The following SYT1 variants were observed in gnomAD, a reference collection of about 807,000 sequenced individuals.
SYT1 encodes synaptotagmin 1.
SYT1 carries 8 observed loss-of-function variants against 44.8 expected under a neutral mutation model. The ratio of observed to expected loss-of-function variants is 0.18; its 90% CI spans 0.10 to 0.32. The LOEUF is 0.32. Among genes scored for constraint, SYT1 ranks in the 10% least tolerant of loss-of-function variants. The pLI, the probability that SYT1 is intolerant of heterozygous loss-of-function variation, is 1.00. For missense variants in SYT1, 286 were observed against 509.3 expected, an observed-to-expected ratio of 0.56 and a Z score of 4.22; for synonymous variants, 154 against 188.8, an observed-to-expected ratio of 0.82 and a Z score of 1.51.
chr12:79,344,432 A>G (rs1244979731), intron 8 of SYT1, among the ~76,000 whole-genome samples: 1 of 151,958 alleles, frequency 6.6e-6, no homozygotes, highest in Non-Finnish European at 1.5e-5. Context: ...ACCACTCTAT[A>G]CTGTACTTTA....
At chr12:78,884,707 G>T (rs1874638921) in intron 1 of SYT1, among the ~76,000 whole-genome samples, 2 of 151,258 alleles carry the variant, frequency 1.3e-5, no homozygotes, top group African/African-American at 4.8e-5. Flanking sequence ...GTTTGGGGCT[G>T]CAATTGTTGA....
chr12:79,037,034 A>G (rs1318309617), intron 2 of SYT1, among the ~76,000 whole-genome samples: 1 of 151,782 alleles, frequency 6.6e-6, no homozygotes, highest in Non-Finnish European at 1.5e-5. Flanking sequence ...TCATTATGTA[A>G]CCTTATTAAT....
chr12:78,972,481 G>A (rs1377527466), intron 1 of SYT1, among the ~76,000 whole-genome samples: 1 of 151,146 alleles, frequency 6.6e-6, no homozygotes, highest in East Asian at 1.9e-4. Flanking sequence ...ACACACAGAA[G>A]TTAAAATTAA....
At chr12:78,991,423 G>T (rs1870001650) in intron 2 of SYT1, among the ~76,000 whole-genome samples, 1 of 151,636 alleles carries the variant, frequency 6.6e-6, no homozygotes, top group Non-Finnish European at 1.5e-5. Flanking sequence ...TGTCTCTTTG[G>T]CCTATAGCGA....
At chr12:79,151,102 C>T (rs923696222) in intron 3 of SYT1, among the ~76,000 whole-genome samples, 2 of 152,060 alleles carry the variant, frequency 1.3e-5, no homozygotes, top group African/African-American at 4.8e-5. Flanking sequence ...AGTCCTGTGT[C>T]CCAATGACAG....
intron 2 of SYT1, among the ~76,000 whole-genome samples, chr12:78,989,895 C>T (rs539869615): frequency 3.3e-5 from 5 of 152,158 alleles, no homozygotes; most frequent in East Asian, 3.9e-4. Context: ...CAAAAATACA[C>T]CCACTGTGCA....
At chr12:78,901,750 G>T (rs571946556) in intron 1 of SYT1, among the ~76,000 whole-genome samples, 1 of 152,034 alleles carries the variant, frequency 6.6e-6, no homozygotes, top group Non-Finnish European at 1.5e-5. Context: ...TGAGTGCTTG[G>T]CCTTCACAGT....
intron 1 of SYT1, among the ~76,000 whole-genome samples, chr12:78,961,897 G>C (rs553800908): frequency 2.6e-5 from 4 of 152,124 alleles, no homozygotes; most frequent in African/African-American, 7.2e-5. Context: ...ACAACTTTTT[G>C]ACTCATAAGT....
chr12:79,102,659 A>G (rs1335410913), intron 3 of SYT1, among the ~76,000 whole-genome samples: 1 of 152,252 alleles, frequency 6.6e-6, no homozygotes, highest in African/African-American at 2.4e-5. Flanking sequence ...AGTGCCTGGT[A>G]CAAAGTAAAT....
At chr12:79,119,752 TTCAAA>T (rs1227220135) in intron 3 of SYT1, among the ~76,000 whole-genome samples, 1 of 152,164 alleles carries the variant, frequency 6.6e-6, no homozygotes, top group East Asian at 1.9e-4. Flanking sequence ...AGAGGAACAT[TTCAAA>T]TCATTTTGGA....
chr12:78,906,472 G>A (rs1258465987), intron 1 of SYT1, among the ~76,000 whole-genome samples: 1 of 152,030 alleles, frequency 6.6e-6, no homozygotes. Context: ...GCAGATAGAT[G>A]TACTAAGTTG....
intron 3 of SYT1, among the ~76,000 whole-genome samples, chr12:79,071,734 C>T (rs1011242793): frequency 1.3e-5 from 2 of 152,118 alleles, no homozygotes; most frequent in African/African-American, 4.8e-5. Flanking sequence ...ATTGCTGCCT[C>T]TGTCTTCACA....
intron 3 of SYT1, among the ~76,000 whole-genome samples, chr12:79,089,950 C>CA (rs1877655552): frequency 6.6e-6 from 1 of 152,008 alleles, no homozygotes; most frequent in Non-Finnish European, 1.5e-5. Context: ...GATTGCTCCC[C>CA]ATGTGATTAT....
intron 3 of SYT1, among the ~76,000 whole-genome samples, chr12:79,129,832 C>A (rs937670391): frequency 6.6e-6 from 1 of 152,004 alleles, no homozygotes; most frequent in Non-Finnish European, 1.5e-5. Context: ...GTATAAAATT[C>A]CATTTAAGTC....
At chr12:78,928,344 T>C (rs905138482) in intron 1 of SYT1, among the ~76,000 whole-genome samples, 1 of 152,180 alleles carries the variant, frequency 6.6e-6, no homozygotes, top group African/African-American at 2.4e-5. Context: ...TATCATACAC[T>C]CTAGCCATAA....
At chr12:78,971,098 A>G (rs1349661376) in intron 1 of SYT1, among the ~76,000 whole-genome samples, 2 of 152,168 alleles carry the variant, frequency 1.3e-5, no homozygotes, top group African/African-American at 4.8e-5. Flanking sequence ...CAGGTGGTGG[A>G]GGTTGCAGTG....
intron 6 of SYT1, among the ~76,000 whole-genome samples, chr12:79,293,683 G>A (rs532635097): frequency 2.4e-4 from 36 of 152,280 alleles, no homozygotes; most frequent in African/African-American, 8.7e-4. Context: ...CTTTATTTAG[G>A]AATTGACAGT....
chr12:79,126,121 G>T (rs754190616), intron 3 of SYT1, among the ~76,000 whole-genome samples: 2 of 152,216 alleles, frequency 1.3e-5, no homozygotes, highest in Non-Finnish European at 2.9e-5. Flanking sequence ...TCTTCTGGAA[G>T]AGCAAAGTCC....
intron 3 of SYT1, among the ~76,000 whole-genome samples, chr12:79,108,200 G>T (rs1159195177): frequency 6.6e-6 from 1 of 151,684 alleles, no homozygotes; most frequent in Middle Eastern, 3.4e-3. Context: ...GAGGGGTGAG[G>T]CTATTTCTTT....
Sources: gnomAD v4.1 joint callset for allele counts (sites outside exome capture counted in the v4.1 genomes callset) on GRCh38, gnomAD v4.1.1 for gene constraint, MANE v1.5 for transcripts, NCBI Gene and HGNC (gene_info 2026-07-23, HGNC 2026-07-21) for gene names.